Variants in SLC4A8 observed in about 807,000 individuals in gnomAD.
The protein encoded by SLC4A8 is electroneutral sodium bicarbonate exchanger 1.
A neutral mutation model predicts 125.0 loss-of-function variants in SLC4A8; 40 were observed. The observed-to-expected ratio is 0.32, with a 90% CI of 0.25 to 0.42. The LOEUF (loss-of-function observed/expected upper bound fraction) is 0.42. Among genes scored for constraint, SLC4A8 ranks in the 10% least tolerant of loss-of-function variants. SLC4A8 has a pLI of 1.00. For missense variants in SLC4A8, 863 were observed against 1,355.1 expected, an observed-to-expected ratio of 0.64 and a Z score of 5.70; for synonymous variants, 456 against 476.0, an observed-to-expected ratio of 0.96 and a Z score of 0.55.
At chr12:51,470,250 T>G in intron 12 of SLC4A8, 142 bp from the exon 13 acceptor site, 1 of 704,066 alleles carries the variant, frequency 1.4e-6, no homozygotes, top group Non-Finnish European at 2.5e-6. Flanking sequence ...TTACATGGTG[T>G]GTACACATCA....
chr12:51,417,646 T>C (rs1208534547), intron 1 of SLC4A8, among the ~76,000 whole-genome samples: 1 of 151,976 alleles, frequency 6.6e-6, no homozygotes, highest in Non-Finnish European at 1.5e-5. Context: ...GCCTCCCGAG[T>C]GGCTGGGACT....
chr12:51,418,412 T>A (rs1201449839), intron 1 of SLC4A8, among the ~76,000 whole-genome samples: 1 of 152,182 alleles, frequency 6.6e-6, no homozygotes, highest in Non-Finnish European at 1.5e-5. Context: ...CCCAAAACAA[T>A]ATACAAGTTA....
upstream of SLC4A8, among the ~76,000 whole-genome samples, chr12:51,422,908 A>G (rs553609316): frequency 1.3e-4 from 20 of 152,202 alleles, no homozygotes; most frequent in African/African-American, 4.3e-4. Context: ...AATTTTTGCA[A>G]TCTTCATGGT....
chr12:51,438,661 G>C (rs1259448023), intron 1 of SLC4A8, among the ~76,000 whole-genome samples: 1 of 152,144 alleles, frequency 6.6e-6, no homozygotes, highest in Non-Finnish European at 1.5e-5. Context: ...GAGATTACTG[G>C]ATTATATGGT....
intron 1 of SLC4A8, chr12:51,392,202 A>G (rs1195438209): frequency 6.6e-6 from 1 of 152,362 alleles, no homozygotes; most frequent in Non-Finnish European, 1.5e-5. Context: ...CCGGGGAGGC[A>G]GCTGCTCACA....
At chr12:51,411,460 G>C (rs775052526) in intron 1 of SLC4A8, among the ~76,000 whole-genome samples, 20 of 151,922 alleles carry the variant, frequency 1.3e-4, no homozygotes, top group Non-Finnish European at 2.4e-4. Context: ...ATGGTGGTGT[G>C]CACCTGTAGT....
At chr12:51,481,610 T>C (rs1456465064) in intron 16 of SLC4A8, among the ~76,000 whole-genome samples, 1 of 152,030 alleles carries the variant, frequency 6.6e-6, no homozygotes, top group Admixed American at 6.6e-5. Context: ...AAAACTGTGA[T>C]TCTATCCTTT....
chr12:51,406,631 AG>A (rs1374852164), intron 1 of SLC4A8, among the ~76,000 whole-genome samples: 1 of 152,192 alleles, frequency 6.6e-6, no homozygotes, highest in Non-Finnish European at 1.5e-5. Context: ...ATGCAAATAG[AG>A]TGAAGGGCAT....
chr12:51,442,965 T>C (rs1444448826), intron 2 of SLC4A8, among the ~76,000 whole-genome samples: 1 of 152,178 alleles, frequency 6.6e-6, no homozygotes, highest in Non-Finnish European at 1.5e-5. Flanking sequence ...CATGCCATGA[T>C]ATCAGGTTCT....
intron 1 of SLC4A8, among the ~76,000 whole-genome samples, chr12:51,419,299 G>T (rs1948740890): frequency 6.6e-6 from 1 of 152,152 alleles, no homozygotes; most frequent in South Asian, 2.1e-4. Context: ...TGAATTTGCT[G>T]CCACCTTAAA....
intron 14 of SLC4A8, among the ~76,000 whole-genome samples, chr12:51,472,507 G>T (rs986701107): frequency 1.3e-5 from 2 of 152,152 alleles, no homozygotes; most frequent in Admixed American, 6.5e-5. Flanking sequence ...TAGTGAATTG[G>T]CTCCTATTGG....
chr12:51,501,997 T>G (rs938197016), intron 22 of SLC4A8: 2 of 152,170 alleles, frequency 1.3e-5, no homozygotes, highest in African/African-American at 4.8e-5. Flanking sequence ...TTCGCTTCTA[T>G]GCACCAATAA....
Position 51,481,733 on chromosome 12 carries a change from A to G in SLC4A8, c.2173-4054A>G, listed in dbSNP as rs750131673. Among the ~76,000 whole-genome samples the G allele has an allele frequency of 2.0e-5, 3 of 152,192 alleles. No individual in the cohort carries two copies. In the East Asian group the frequency reaches 5.8e-4, roughly 29 times the overall value. ...TGAGGCGGGCAGATCGCTTGAGCCC[A>G]GGAATTTGAGACCAGCCTGGGCAAC... On this transcript the variant is annotated intron_variant, in intron 16 of 24. Transcript: ENST00000453097.
At chr12:51,429,542 G>T (rs773077787) in intron 1 of SLC4A8, among the ~76,000 whole-genome samples, 1 of 152,074 alleles carries the variant, frequency 6.6e-6, no homozygotes, top group Non-Finnish European at 1.5e-5. Context: ...TCACTCTGTT[G>T]CCCAGGCTGG....
chr12:51,479,283 C>T (rs1048425107), intron 16 of SLC4A8, among the ~76,000 whole-genome samples: 1 of 152,108 alleles, frequency 6.6e-6, no homozygotes, highest in Non-Finnish European at 1.5e-5. Flanking sequence ...AAATCCAGTC[C>T]CCATAGAATA....
At chr12:51,403,269 A>AAGGATC (rs779113186) in intron 1 of SLC4A8, 37 of 456,536 alleles carry the variant, frequency 8.1e-5, no homozygotes, top group South Asian at 5.7e-4. Flanking sequence ...GCCTGAACAG[A>AAGGATC]AGGATCAGTG....
chr12:51,497,650 C>T (rs1449720767), intron 22 of SLC4A8: 1 of 152,462 alleles, frequency 6.6e-6, no homozygotes. Context: ...AATGAAAATA[C>T]CAGACCAAGA....
intron 19 of SLC4A8, 68 bp from the exon 20 acceptor site, chr12:51,493,636 G>A (rs1400176635): frequency 1.0e-6 from 1 of 972,580 alleles, no homozygotes; most frequent in Non-Finnish European, 1.7e-6. Flanking sequence ...ATTTAAAAGT[G>A]TATATAGTTT....
chr12:51,472,361 A>T (rs542046474), intron 14 of SLC4A8, among the ~76,000 whole-genome samples: 1 of 152,346 alleles, frequency 6.6e-6, no homozygotes, highest in East Asian at 1.9e-4. Flanking sequence ...GCATCTGCGG[A>T]CCAGCGACAG....
Sources: allele counts gnomAD v4.1 joint callset (sites outside exome capture counted in the v4.1 genomes callset), GRCh38; gene constraint gnomAD v4.1.1; transcripts MANE v1.5; gene names NCBI Gene and HGNC (gene_info 2026-07-23, HGNC 2026-07-21).